TMEM255A: variants seen among roughly 807,000 people sequenced by gnomAD.
TMEM255A encodes family with sequence similarity 70, member A.
Under a neutral mutation model 23.5 loss-of-function variants are expected in TMEM255A, and 14 were observed. The ratio of observed to expected loss-of-function variants is 0.60; its 90% CI spans 0.39 to 0.93. The LOEUF (loss-of-function observed/expected upper bound fraction) is 0.93, where lower values mean the gene tolerates loss of function less well. TMEM255A is among the 40% of genes least tolerant of loss of function. The pLI is 0.00. For missense variants in TMEM255A, 233 were observed against 261.7 expected (o/e 0.89, Z 0.76); for synonymous variants, 104 against 100.3 (o/e 1.04, Z -0.22).
chrX:120,307,678 G>A (rs933900891), intron 1 of TMEM255A, among the ~76,000 whole-genome samples: 16 of 112,127 alleles, frequency 1.4e-4, no homozygotes, highest in African/African-American at 5.2e-4. Context: ...ACACCTGAGG[G>A]TTCCCTCAAA....
chrX:120,290,351 A>T (rs868936773), intron 4 of TMEM255A, among the ~76,000 whole-genome samples: 1 of 111,788 alleles, frequency 8.9e-6, no homozygotes, highest in Non-Finnish European at 1.9e-5. Context: ...CTGTTTGTCA[A>T]ATGGGGATAA....
intron 2 of TMEM255A, among the ~76,000 whole-genome samples, chrX:120,295,732 T>G (rs2057949595): frequency 8.9e-6 from 1 of 112,216 alleles, no homozygotes; most frequent in African/African-American, 3.2e-5. Context: ...TAAACCTCAA[T>G]TTTCTTATAT....
chrX:120,308,940 T>A (rs1402291274), intron 1 of TMEM255A, among the ~76,000 whole-genome samples: 2 of 112,924 alleles, frequency 1.8e-5, no homozygotes, highest in East Asian at 2.8e-4. Context: ...TTGTTTTGGT[T>A]GCGGTTGTGT....
chrX:120,275,118 A>G (rs1042062244), intron 7 of TMEM255A, among the ~76,000 whole-genome samples: 3 of 112,258 alleles, frequency 2.7e-5, no homozygotes, highest in African/African-American at 9.7e-5. Context: ...ACCCAGAAAC[A>G]GCTTTTTTTG....
downstream of TMEM255A, chrX:120,254,097 G>C: frequency 8.3e-7 from 1 of 1,211,399 alleles, no homozygotes; most frequent in Non-Finnish European, 1.1e-6. Context: ...TGCTATTTCA[G>C]ATGTTGCACC....
chrX:120,288,808 C>T (rs960551611), intron 4 of TMEM255A, among the ~76,000 whole-genome samples: 13 of 112,448 alleles, frequency 1.2e-4, no homozygotes, highest in East Asian at 5.5e-4. Context: ...TTTAATTTCA[C>T]GTTCATGCTA....
chrX:120,311,400 C>T lies in TMEM255A; in HGVS notation c.-91G>A. On this transcript the variant is annotated 5_prime_UTR_variant, in exon 1 of 9. Coordinates refer to ENST00000371369, the MANE Select transcript of TMEM255A (RefSeq NM_001104544.3). ...CGCAGAGCATCCTACTCCGCGGTTG[C>T]CTCTCTCGGTCCTTCCGAGAGCTGA... The T allele has an allele frequency of 2.6e-6, 2 of 768,322 alleles. No homozygotes were observed. The highest frequency in any genetic ancestry group is 2.3e-5 in the South Asian group (1 of 44,174). 63.3% of individuals were successfully genotyped at this position (768,322 alleles called of 1,213,427 possible). A position where few individuals can be genotyped will look rare whatever the true frequency, so the allele number is the denominator to read the frequency against.
chrX:120,300,381 CTGTTT>C (rs1391025813), intron 2 of TMEM255A, among the ~76,000 whole-genome samples: 21 of 110,228 alleles, frequency 1.9e-4, no homozygotes, highest in Non-Finnish European at 3.8e-4. Flanking sequence ...GTTTTTGTTT[CTGTTT>C]TGTTTTGTTT....
At chrX:120,264,041 G>A (rs958862894) in intron 8 of TMEM255A, among the ~76,000 whole-genome samples, 5 of 111,750 alleles carry the variant, frequency 4.5e-5, no homozygotes, top group African/African-American at 1.3e-4. Flanking sequence ...TGAGACTTTC[G>A]TTTTAAGCTT....
rs782401547 is a variant in TMEM255A, at chrX:120,295,348, A to T, written c.202-1297T>A. The stretch of plus-strand genomic sequence containing the variant: ...TTGCACCTAGGTTTGGGAATCTAAG[A>T]GACCCAAGGGCTGGGCAGGAGCTTG... On this transcript the variant is annotated intron_variant, in intron 2 of 8. Coordinates refer to ENST00000371369, the MANE Select transcript of TMEM255A (RefSeq NM_001104544.3). 9.0e-5 allele frequency among the ~76,000 whole-genome samples: 10 copies of T among 111,295 alleles called. No homozygotes were observed. In the East Asian group the frequency reaches 2.8e-3, roughly 31 times the overall value.
chrX:120,270,933 G>C, intron 7 of TMEM255A, among the ~76,000 whole-genome samples: 1 of 111,164 alleles, frequency 9.0e-6, no homozygotes, highest in East Asian at 2.8e-4. Context: ...TTTACACCAT[G>C]GTCTTATTTT....
the TMEM255A span, chrX:120,253,533 G>A: frequency 8.3e-7 from 1 of 1,211,766 alleles, no homozygotes; most frequent in East Asian, 3.0e-5. Context: ...TATTGTGGAA[G>A]ACCGAAAATT....
chrX:120,275,784 A>ATTTTTTTT (rs11342181), intron 7 of TMEM255A, among the ~76,000 whole-genome samples: 3 of 60,248 alleles, frequency 5.0e-5, no homozygotes, highest in African/African-American at 2.1e-4. Context: ...GAGCCCAAGC[A>ATTTTTTTT]TTTTTTTTTT....
At chrX:120,298,213 A>G (rs1387219251) in intron 2 of TMEM255A, among the ~76,000 whole-genome samples, 2 of 111,376 alleles carry the variant, frequency 1.8e-5, no homozygotes, top group Non-Finnish European at 3.8e-5. Flanking sequence ...GACATCTAGG[A>G]CAAAGGCTAA....
At chrX:120,266,987 C>T (rs142543307) in intron 8 of TMEM255A, among the ~76,000 whole-genome samples, 2,047 of 111,934 alleles carry the variant, frequency 0.018, 43 homozygotes, top group African/African-American at 0.062. Context: ...ATTATTGGAA[C>T]GCTAAGCTTG....
chrX:120,269,446 A>G (rs2057740220), intron 7 of TMEM255A, among the ~76,000 whole-genome samples: 1 of 112,219 alleles, frequency 8.9e-6, no homozygotes, highest in Non-Finnish European at 1.9e-5. Flanking sequence ...GAACATAGCT[A>G]CAGCACATTA....
At position 120,304,488 on chromosome X, in the gene TMEM255A, G is replaced by A. The variant is rs1556026641; in HGVS notation, c.62C>T (p.Ala21Val). 1 of 1,207,624 alleles carries A rather than the reference G, an allele frequency of 8.3e-7. No homozygotes were observed. Among genetic ancestry groups the A allele is most frequent in the Non-Finnish European group, 1.1e-6 (1 of 893,539 alleles). ...GGAGTTTCGTTTCCTCCGATTGAATGCTCCTGAAAGCACAGAGAGAAATTA... is the reference window on the plus strand; with the variant it reads ...GGAGTTTCGTTTCCTCCGATTGAATACTCCTGAAAGCACAGAGAGAAATTA... ...SDMSLPDSMG[A>V]FNRRKRNSIY... Residue 21 changes from alanine (A) to valine (V), a missense_variant, in exon 2 of 9, where the codon GCA becomes GTA. By Grantham distance (64) the Ala-to-Val change is moderately conservative (BLOSUM62 0). Transcript: ENST00000371369.
chrX:120,256,246 C>T (rs781975565), downstream of TMEM255A: 1 of 122,930 alleles, frequency 8.1e-6, no homozygotes, highest in East Asian at 2.8e-4. Context: ...TGAAGATTTC[C>T]TTTTGGCTTC....
At chrX:120,257,892 C>G (rs2057648671), downstream of TMEM255A, 1 of 122,944 alleles carries the variant, frequency 8.1e-6, no homozygotes, top group African/African-American at 3.3e-5. Context: ...AAGTTAGCTT[C>G]AAATTTGCTC....
Sources: allele counts gnomAD v4.1 joint callset (sites outside exome capture counted in the v4.1 genomes callset), GRCh38; gene constraint gnomAD v4.1.1; transcripts MANE v1.5; gene names NCBI Gene and HGNC (gene_info 2026-07-23, HGNC 2026-07-21).